GRIA3: variants seen among roughly 807,000 people sequenced by gnomAD.
GRIA3 encodes the protein glutamate receptor 3.
Under a neutral mutation model 63.0 loss-of-function variants are expected in GRIA3, and 3 were observed. That is an observed-to-expected ratio of 0.05 (90% CI 0.02 to 0.12). The LOEUF (loss-of-function observed/expected upper bound fraction) is 0.12, where lower values mean the gene tolerates loss of function less well. Ranked by LOEUF, GRIA3 falls within the 10% of genes least tolerant of loss-of-function variation. The pLI is 1.00. For missense variants in GRIA3, 347 were observed against 700.9 expected (o/e 0.50, Z 5.70); for synonymous variants, 274 against 257.9 (o/e 1.06, Z -0.60).
At chrX:123,414,403 C>A (rs928144308) in intron 10 of GRIA3, among the ~76,000 whole-genome samples, 2 of 112,175 alleles carry the variant, frequency 1.8e-5, no homozygotes, top group African/African-American at 6.5e-5. Flanking sequence ...CGAGAACTGG[C>A]ATTTCTTTTT....
intron 5 of GRIA3, among the ~76,000 whole-genome samples, chrX:123,360,048 A>T (rs2147353177): frequency 8.9e-6 from 1 of 112,178 alleles, no homozygotes; most frequent in South Asian, 3.7e-4. Context: ...TTAGACTTTC[A>T]TTTAATTTTC....
At chrX:123,346,301 C>G (rs989462902) in intron 4 of GRIA3, among the ~76,000 whole-genome samples, 2 of 111,979 alleles carry the variant, frequency 1.8e-5, no homozygotes, top group Admixed American at 9.5e-5. Flanking sequence ...AGATACCATT[C>G]TATTTACTAT....
chrX:123,204,989 T>C (rs1927847637), intron 2 of GRIA3, among the ~76,000 whole-genome samples: 1 of 111,777 alleles, frequency 8.9e-6, no homozygotes, highest in African/African-American at 3.3e-5. Flanking sequence ...GAGATGGAGA[T>C]GATCCCTAAA....
At chrX:123,377,578 C>T (rs192135592) in intron 5 of GRIA3, among the ~76,000 whole-genome samples, 61 of 112,305 alleles carry the variant, frequency 5.4e-4, no homozygotes, top group African/African-American at 1.8e-3. Flanking sequence ...AGAGTTTCCA[C>T]CTTGAAGTCT....
At chrX:123,302,311 C>A (rs1174766966) in intron 3 of GRIA3, among the ~76,000 whole-genome samples, 3 of 111,763 alleles carry the variant, frequency 2.7e-5, no homozygotes, top group South Asian at 7.4e-4. Flanking sequence ...CTTCTCTGGA[C>A]CTCAGTTTCC....
rs755697448 is a variant in GRIA3, at chrX:123,393,501, G to T, written c.751-1467G>T. 3.0e-4 allele frequency among the ~76,000 whole-genome samples: 34 copies of T among 112,241 alleles called. No homozygotes were observed. The East Asian group carries it at 9.2e-3, about 30-fold the overall frequency. On this transcript the variant is annotated intron_variant, in intron 5 of 15. Transcript: ENST00000620443. ...GTATGCATTTATCAAAACTCATCAAGTACATTTCATTGATGTAAATTTTAC... is the reference window on the plus strand; with the variant it reads ...GTATGCATTTATCAAAACTCATCAATTACATTTCATTGATGTAAATTTTAC...
intron 12 of GRIA3, among the ~76,000 whole-genome samples, chrX:123,447,250 G>C (rs890676267): frequency 9.0e-6 from 1 of 110,775 alleles, no homozygotes; most frequent in Non-Finnish European, 1.9e-5. Context: ...GGGCATGGTG[G>C]TGCACACCTG....
chrX:123,468,116 T>C (rs750677544), intron 13 of GRIA3, among the ~76,000 whole-genome samples: 18 of 111,918 alleles, frequency 1.6e-4, no homozygotes, highest in African/African-American at 5.5e-4. Context: ...CTATGGATAA[T>C]AGTATGATCG....
At chrX:123,259,291 G>C (rs1205791400) in intron 3 of GRIA3, among the ~76,000 whole-genome samples, 1 of 111,441 alleles carries the variant, frequency 9.0e-6, no homozygotes, top group Non-Finnish European at 1.9e-5. Context: ...GACAAGCAAA[G>C]TTTCAGCCTC....
At chrX:123,422,685 A>G (rs1305297944) in intron 11 of GRIA3, among the ~76,000 whole-genome samples, 4 of 112,548 alleles carry the variant, frequency 3.6e-5, no homozygotes, top group African/African-American at 6.4e-5. Context: ...AATAAAAAGC[A>G]CAGTGCCTAG....
intron 3 of GRIA3, among the ~76,000 whole-genome samples, chrX:123,283,693 C>G (rs1307180092): frequency 8.9e-6 from 1 of 112,386 alleles, no homozygotes; most frequent in African/African-American, 3.2e-5. Flanking sequence ...GACTCCCTCT[C>G]TAGATTCCCC....
intron 2 of GRIA3, among the ~76,000 whole-genome samples, chrX:123,240,147 C>T (rs1405303202): frequency 9.0e-6 from 1 of 111,563 alleles, no homozygotes. Flanking sequence ...CTGAAACATC[C>T]TGCAAGGGCC....
intron 3 of GRIA3, among the ~76,000 whole-genome samples, chrX:123,286,926 C>T (rs1207664044): frequency 8.9e-6 from 1 of 111,786 alleles, no homozygotes; most frequent in Non-Finnish European, 1.9e-5. Flanking sequence ...AGGCCAGCAT[C>T]ATCCTGATAC....
intron 5 of GRIA3, among the ~76,000 whole-genome samples, chrX:123,380,503 T>C (rs1050173312): frequency 8.9e-6 from 1 of 112,008 alleles, no homozygotes; most frequent in Non-Finnish European, 1.9e-5. Flanking sequence ...TTGGTTTTTT[T>C]CTTGTAAATT....
chrX:123,237,914 T>G (rs924972724), intron 2 of GRIA3, among the ~76,000 whole-genome samples: 1 of 111,878 alleles, frequency 8.9e-6, no homozygotes, highest in African/African-American at 3.3e-5. Flanking sequence ...ATCTGCAAGG[T>G]CCATGCAAAA....
At chrX:123,229,849 G>A (rs759849979) in intron 2 of GRIA3, among the ~76,000 whole-genome samples, 26 of 111,420 alleles carry the variant, frequency 2.3e-4, no homozygotes, top group African/African-American at 8.2e-4. Context: ...GATAACATAT[G>A]TAGAGGCCTA....
chrX:123,208,553 C>G (rs1375819293), intron 2 of GRIA3, among the ~76,000 whole-genome samples: 1 of 112,136 alleles, frequency 8.9e-6, no homozygotes, highest in African/African-American at 3.2e-5. Flanking sequence ...GCAACTCAAA[C>G]CATTGAAGTC....
chrX:123,344,569 T>C, intron 4 of GRIA3, among the ~76,000 whole-genome samples: 1 of 112,039 alleles, frequency 8.9e-6, no homozygotes, highest in South Asian at 3.8e-4. Flanking sequence ...CCCTGTCTCA[T>C]TTCCTCGCTC....
At chrX:123,476,919 A>T (rs1366503430) in intron 13 of GRIA3, among the ~76,000 whole-genome samples, 1 of 111,715 alleles carries the variant, frequency 9.0e-6, no homozygotes, top group Admixed American at 9.5e-5. Flanking sequence ...TGGAGGACAA[A>T]ATGGCCTCTG....
Sources: gnomAD v4.1 joint callset for allele counts (sites outside exome capture counted in the v4.1 genomes callset) on GRCh38, gnomAD v4.1.1 for gene constraint, MANE v1.5 for transcripts, NCBI Gene and HGNC (gene_info 2026-07-23, HGNC 2026-07-21) for gene names.